Variants in FAM9A observed in about 807,000 individuals in gnomAD.
The protein encoded by FAM9A is protein FAM9A.
In FAM9A, 49 loss-of-function variants were observed where a neutral mutation model predicts 25.0. The observed-to-expected ratio is 1.96, with a 90% CI of 1.56 to 2.48. The LOEUF (loss-of-function observed/expected upper bound fraction) is 2.48, where lower values mean the gene tolerates loss of function less well. Ranked by LOEUF, FAM9A falls within the 30% of genes most tolerant of loss-of-function variation. The pLI is 0.00. For missense variants in FAM9A, 266 were observed against 249.3 expected (o/e 1.07, Z -0.45); for synonymous variants, 80 against 85.1 (o/e 0.94, Z 0.33).
At position 8,799,002 on chromosome X, in the gene FAM9A, C is replaced by T; in HGVS notation, c.184G>A (p.Ala62Thr). 1.6e-6 allele frequency: 2 copies of T among 1,212,708 alleles called. No individual in the cohort carries two copies. The highest frequency in any genetic ancestry group is 2.2e-6 in the Non-Finnish European group (2 of 895,687). Reference sequence around the variant, plus strand: ...TTCGCCGGGGCGGCCCTAACTTGAGCTTCCAACTGAGCTTTGGCAGCCTTC... The same window carrying T: ...TTCGCCGGGGCGGCCCTAACTTGAGTTTCCAACTGAGCTTTGGCAGCCTTC... ...SRKAAKAQLE[A>T]QVRAAPAKKH... The change falls in exon 3 of 10, where the codon GCT becomes ACT. Residue 62 changes from alanine to threonine, a missense_variant. Physicochemically the swap from Ala to Thr is moderately conservative, Grantham distance 58. Coordinates refer to ENST00000381003, the MANE Select transcript of FAM9A (RefSeq NM_174951.3).
At chrX:8,791,458 A>C (rs1403331843) in intron 8 of FAM9A, 79 bp from the exon 9 acceptor site, 1 of 719,006 alleles carries the variant, frequency 1.4e-6, no homozygotes, top group Non-Finnish European at 2.0e-6. Flanking sequence ...AGATGTCAAA[A>C]GGAAACAGCT....
intron 8 of FAM9A, among the ~76,000 whole-genome samples, chrX:8,793,309 C>T (rs752380882): frequency 4.5e-5 from 5 of 112,122 alleles, no homozygotes; most frequent in Admixed American, 3.8e-4. Flanking sequence ...CATGTATCTC[C>T]TACCGCTCAA....
intron 9 of FAM9A, 36 bp downstream of exon 9, chrX:8,791,244 A>T (rs1291502437): frequency 4.1e-6 from 4 of 965,725 alleles, no homozygotes; most frequent in Non-Finnish European, 5.7e-6. Flanking sequence ...GCTTACATCA[A>T]TCCTGAGTTT....
intron 8 of FAM9A, 38 bp from the exon 9 acceptor site, chrX:8,791,417 T>C: frequency 9.5e-7 from 1 of 1,050,986 alleles, no homozygotes; most frequent in Non-Finnish European, 1.3e-6. Flanking sequence ...AAACCACCAC[T>C]TTACATCTCA....
At position 8,791,037 on chromosome X, in the gene FAM9A, A is replaced by G. The variant is rs1933464622; in HGVS notation, c.*167T>C. The G allele has an allele frequency of 3.8e-6, 1 of 266,133 alleles. No homozygotes were observed. The highest frequency in any genetic ancestry group is 6.6e-6 in the Non-Finnish European group (1 of 151,191). The allele number at this position is 266,133 out of a possible 1,213,427, so 21.9% of individuals were successfully genotyped here. A position where few individuals can be genotyped will look rare whatever the true frequency, so the allele number is the denominator to read the frequency against. On this transcript the variant is annotated 3_prime_UTR_variant, in exon 10 of 10. Coordinates refer to ENST00000381003, the MANE Select transcript of FAM9A (RefSeq NM_174951.3). ...GAGGAGCTATACCGATTTATACAACAATTATCAAAACACTGTCATGTAGTT... is the reference window on the plus strand; with the variant it reads ...GAGGAGCTATACCGATTTATACAACGATTATCAAAACACTGTCATGTAGTT...
At chrX:8,798,590 G>A in intron 3 of FAM9A, 111 bp from the exon 4 acceptor site, 1 of 1,120,245 alleles carries the variant, frequency 8.9e-7, no homozygotes, top group Non-Finnish European at 1.2e-6. Flanking sequence ...ACCAATTAAA[G>A]CTTTAAAGCA....
At position 8,795,889 on chromosome X, in the gene FAM9A, A is replaced by G. The variant is rs1044187399; in HGVS notation, c.488+379T>C. Among the ~76,000 whole-genome samples, 6 of 111,717 alleles carry G rather than the reference A, an allele frequency of 5.4e-5. No individual in the cohort carries two copies. In the Admixed American group the frequency reaches 5.7e-4, roughly 11 times the overall value. The stretch of plus-strand genomic sequence containing the variant: ...GAAAACAATTTAACTAAAATAGATA[A>G]CATATTTACAACATAAGGTTGTCCC... On this transcript the variant is annotated intron_variant, in intron 6 of 9. Transcript: ENST00000381003.
Position 8,791,359 on chromosome X carries a change from G to T in FAM9A, c.951C>A (p.Asp317Glu). 8.3e-7 allele frequency: 1 copy of T among 1,203,892 alleles called. No individual in the cohort carries two copies. The highest frequency in any genetic ancestry group is 1.1e-6 in the Non-Finnish European group (1 of 891,953). Reference protein sequence around the residue: ...QLLKAAKDTKDNYCIISSSEE... With the variant: ...QLLKAAKDTKENYCIISSSEE... The stretch of plus-strand genomic sequence containing the variant: ...CACTGGAAGAAATGATGCAATAATT[G>T]TCTTTAGTGTCCTTGGCAGCCTAAA... Residue 317 changes from aspartate to glutamate, a missense_variant, in exon 9 of 10, where the codon GAC becomes GAA. By Grantham distance (45) the Asp-to-Glu change is conservative (BLOSUM62 2). Coordinates refer to ENST00000381003, the MANE Select transcript of FAM9A (RefSeq NM_174951.3).
chrX:8,797,659 G>A (rs749326105), intron 5 of FAM9A, among the ~76,000 whole-genome samples: 82 of 111,013 alleles, frequency 7.4e-4, no homozygotes, highest in Non-Finnish European at 1.2e-3. Context: ...GTAGGAGGAG[G>A]GTGAGGATGA....
rs370064229 is a variant in FAM9A at position 8,793,765 on chromosome X, A to C, written c.832-9T>G. 2.9e-5 allele frequency: 34 copies of C among 1,153,718 alleles called. No individual in the cohort carries two copies. The African/African-American group carries it at 4.5e-4, about 15-fold the overall frequency. On this transcript the variant is annotated splice_polypyrimidine_tract_variant and intron_variant, in intron 7 of 9. Coordinates refer to ENST00000381003, the MANE Select transcript of FAM9A (RefSeq NM_174951.3). ...TTTTCTTGAAATGCTTTCTAGAAGC[A>C]CAAAAAAATAGTGATGAAAATTGGG...
chrX:8,798,736 C>A (rs1324674010), intron 3 of FAM9A, among the ~76,000 whole-genome samples: 1 of 112,869 alleles, frequency 8.9e-6, no homozygotes, highest in Non-Finnish European at 1.9e-5. Flanking sequence ...TGGAGAAGAG[C>A]TGCTCTGCGA....
chrX:8,795,625 C>T (rs1363339384), intron 6 of FAM9A, among the ~76,000 whole-genome samples: 1 of 111,849 alleles, frequency 8.9e-6, no homozygotes, highest in Non-Finnish European at 1.9e-5. Flanking sequence ...GAGCAGCTAT[C>T]TTACATTCTT....
At chrX:8,793,282 G>A (rs1407963081) in intron 8 of FAM9A, among the ~76,000 whole-genome samples, 3 of 111,996 alleles carry the variant, frequency 2.7e-5, no homozygotes, top group Non-Finnish European at 5.6e-5. Context: ...TTATTGGAAC[G>A]CTAAGCTTGT....
At position 8,798,136 on chromosome X, in the gene FAM9A, C is replaced by G. The variant is rs1933553894; in HGVS notation, c.373+14G>C. 1 of 1,196,670 alleles carries G rather than the reference C, an allele frequency of 8.4e-7. No individual in the cohort carries two copies. The highest frequency in any genetic ancestry group is 1.8e-5 in the African/African-American group (1 of 56,960). On this transcript the variant is annotated intron_variant, in intron 5 of 9. Coordinates refer to ENST00000381003, the MANE Select transcript of FAM9A (RefSeq NM_174951.3). Reference sequence around the variant, plus strand: ...AATAATTTTCAAAGACTACGAATAGCTCCTAAAACATACCTGCAATATGTT... The same window carrying G: ...AATAATTTTCAAAGACTACGAATAGGTCCTAAAACATACCTGCAATATGTT...
intron 1 of FAM9A, among the ~76,000 whole-genome samples, chrX:8,800,590 G>T (rs1401208754): frequency 9.1e-6 from 1 of 110,464 alleles, no homozygotes; most frequent in African/African-American, 3.3e-5. Flanking sequence ...CCACTTGCCT[G>T]CCTGGATGCC....
Position 8,800,134 on chromosome X carries a change from G to A in FAM9A, c.38C>T (p.Ala13Val). ...AACTTGAGCTTCCAACTGAGCTTTGGCAGCCTTCCTGCTGCGCTTCCTGCC... is the reference window on the plus strand; with the variant it reads ...AACTTGAGCTTCCAACTGAGCTTTGACAGCCTTCCTGCTGCGCTTCCTGCC... ...PVGRKRSRKA[A>V]KAQLEAQVTA... Residue 13 changes from alanine (A) to valine (V), a missense_variant, in exon 2 of 10, where the codon GCC becomes GTC. Physicochemically the swap from Ala to Val is moderately conservative, Grantham distance 64 (BLOSUM62 0). Coordinates refer to ENST00000381003, the MANE Select transcript of FAM9A (RefSeq NM_174951.3). 1.7e-6 allele frequency: 2 copies of A among 1,209,486 alleles called. No individual in the cohort carries two copies. Among genetic ancestry groups the A allele is most frequent in the Non-Finnish European group, 2.2e-6 (2 of 894,433 alleles).
intron 8 of FAM9A, among the ~76,000 whole-genome samples, chrX:8,793,033 A>G (rs1480024956): frequency 8.9e-6 from 1 of 112,438 alleles, no homozygotes; most frequent in African/African-American, 3.2e-5. Flanking sequence ...CTAGTCGCTG[A>G]TAATTTTGAA....
At chrX:8,792,013 CAT>C (rs958953556) in intron 8 of FAM9A, among the ~76,000 whole-genome samples, 1 of 111,996 alleles carries the variant, frequency 8.9e-6, no homozygotes, top group Non-Finnish European at 1.9e-5. Context: ...CTCACTCAGA[CAT>C]GTAGCCAAAA....
chrX:8,797,357 G>A (rs1433953019), intron 5 of FAM9A, among the ~76,000 whole-genome samples: 1 of 111,866 alleles, frequency 8.9e-6, no homozygotes, highest in Non-Finnish European at 1.9e-5. Flanking sequence ...GCAACTAACA[G>A]TTCACATGGC....
Sources: allele counts gnomAD v4.1 joint callset (sites outside exome capture counted in the v4.1 genomes callset), GRCh38; gene constraint gnomAD v4.1.1; transcripts MANE v1.5; gene names NCBI Gene and HGNC (gene_info 2026-07-23, HGNC 2026-07-21).